The following MLLT10 variants were observed in gnomAD, a reference collection of about 807,000 sequenced individuals.
The protein encoded by MLLT10 is MLLT10 histone lysine methyltransferase DOT1L cofactor.
A neutral mutation model predicts 129.1 loss-of-function variants in MLLT10; 30 were observed. The observed-to-expected ratio is 0.23, with a 90% CI of 0.17 to 0.32. The LOEUF (loss-of-function observed/expected upper bound fraction) is 0.32. Ranked by LOEUF, MLLT10 falls within the 10% of genes least tolerant of loss-of-function variation. The probability of loss-of-function intolerance (pLI) is 1.00; values close to 1 mark genes in which losing one functional copy is unlikely to be tolerated. For missense variants in MLLT10, 1,119 were observed against 1,268.3 expected (o/e 0.88, Z 1.79); for synonymous variants, 490 against 446.4 (o/e 1.10, Z -1.23).
At chr10:21,645,468 G>A (rs904873960) in intron 8 of MLLT10, among the ~76,000 whole-genome samples, 1 of 152,066 alleles carries the variant, frequency 6.6e-6, no homozygotes, top group African/African-American at 2.4e-5. Context: ...CTAGAAATTT[G>A]TTCTATTTCA....
At chr10:21,551,172 G>A (rs1226878430) in intron 3 of MLLT10, among the ~76,000 whole-genome samples, 15 of 151,606 alleles carry the variant, frequency 9.9e-5, no homozygotes, top group Non-Finnish European at 7.4e-5. Flanking sequence ...TGATCCGCCT[G>A]CCTCGGCCTC....
At chr10:21,608,958 A>G (rs574425910) in intron 5 of MLLT10, among the ~76,000 whole-genome samples, 2 of 152,316 alleles carry the variant, frequency 1.3e-5, no homozygotes, top group East Asian at 1.9e-4. Context: ...TTTAGGTAAT[A>G]TAGCCCCTCT....
At chr10:21,626,553 C>T (rs187183769) in intron 8 of MLLT10, among the ~76,000 whole-genome samples, 5 of 152,282 alleles carry the variant, frequency 3.3e-5, no homozygotes, top group East Asian at 3.9e-4. Flanking sequence ...GTAACCCAAA[C>T]GCCTTTTAAT....
At chr10:21,605,114 A>G (rs1363654237) in intron 5 of MLLT10, among the ~76,000 whole-genome samples, 2 of 151,822 alleles carry the variant, frequency 1.3e-5, no homozygotes, top group Non-Finnish European at 2.9e-5. Flanking sequence ...AAAGAAATAT[A>G]CCTTATTTAT....
rs772463822 is a variant in MLLT10, at chr10:21,576,631, ATT to A, written c.241-9648_241-9647del. ...ACTTTTCTATCCGTGCTAATACACAATTTTTTTTTTTTTTTTGAGTTGGAGTT... is the reference window on the plus strand; with the variant it reads ...ACTTTTCTATCCGTGCTAATACACAATTTTTTTTTTTTTTGAGTTGGAGTT... On this transcript the variant is annotated intron_variant, in intron 3 of 22. Coordinates refer to ENST00000307729, the MANE Select transcript of MLLT10 (RefSeq NM_001195626.3). 3.5e-3 allele frequency among the ~76,000 whole-genome samples: 485 copies of A among 138,148 alleles called. 4 individuals carry two copies. Among genetic ancestry groups the A allele is most frequent in the African/African-American group, 0.011 (433 of 37,954 alleles). The allele number at this position is 138,148 out of a possible 152,430, so 90.6% of individuals were successfully genotyped here. A position where few individuals can be genotyped will look rare whatever the true frequency, so the allele number is the denominator to read the frequency against.
intron 3 of MLLT10, among the ~76,000 whole-genome samples, chr10:21,563,764 T>C (rs1408384051): frequency 6.6e-6 from 1 of 151,522 alleles, no homozygotes; most frequent in East Asian, 1.9e-4. Context: ...GTAATTTTGA[T>C]AGGCGGGTAG....
intron 3 of MLLT10, among the ~76,000 whole-genome samples, chr10:21,570,478 A>G (rs968948741): frequency 1.3e-5 from 2 of 152,114 alleles, no homozygotes; most frequent in African/African-American, 2.4e-5. Context: ...CATGATTTCT[A>G]AAGACTTTTT....
chr10:21,534,852 TCACCGCCGCCCCCACCTGGGCCGCAAC>T, intron 2 of MLLT10, 48 bp downstream of exon 2: 1 of 1,432,510 alleles, frequency 7.0e-7, no homozygotes, highest in Non-Finnish European at 9.2e-7. Context: ...CGCCCAACGG[TCACCGCCGCCCCCACCTGGGCCGCAAC>T]CGCCGGCGCC....
At position 21,727,914 on chromosome 10, in the gene MLLT10, AAGTCTC is replaced by A. The variant is rs770217764; in HGVS notation, c.2050_2055del (p.Leu685_Ser686del). On this transcript the variant is annotated inframe_deletion, in exon 16 of 23. Coordinates refer to ENST00000307729, the MANE Select transcript of MLLT10 (RefSeq NM_001195626.3). ...TTGGCAGAGGAAGCTCACCCCGAGG[AAGTCTC>A]TCGCCACGGTAAGCGCTATTTACAC... is the stretch of plus-strand genomic sequence containing the variant. The A allele has an allele frequency of 6.2e-7, 1 of 1,613,976 alleles. No homozygotes were observed. Among genetic ancestry groups the A allele is most frequent in the Admixed American group, 1.7e-5 (1 of 59,994 alleles).
At chr10:21,549,659 CT>C (rs11374255) in intron 3 of MLLT10, among the ~76,000 whole-genome samples, 3,433 of 121,960 alleles carry the variant, frequency 0.028, 134 homozygotes, top group African/African-American at 0.095. Flanking sequence ...GAGTTGTACT[CT>C]TTTTTTTTTT....
intron 10 of MLLT10, chr10:21,670,950 A>C: frequency 2.4e-6 from 1 of 409,982 alleles, no homozygotes; most frequent in Non-Finnish European, 4.3e-6. Context: ...TTTAATGTTT[A>C]ACTAGATATG....
chr10:21,732,627 T>C (rs923236082), intron 17 of MLLT10, among the ~76,000 whole-genome samples: 2 of 152,196 alleles, frequency 1.3e-5, no homozygotes, highest in Non-Finnish European at 2.9e-5. Flanking sequence ...GAAAATTACC[T>C]GAAGCTGGTG....
In MLLT10 at chr10:21,632,934, TTAAA is replaced by T. The variant is rs779976492; in HGVS notation, c.699+15737_699+15740del. Among the ~76,000 whole-genome samples, 4 of 152,300 alleles carry T rather than the reference TTAAA, an allele frequency of 2.6e-5. No homozygotes were observed. The East Asian group carries it at 7.7e-4, about 29-fold the overall frequency. ...ACATAACCTGATTTTAGAGATTTAT[TTAAA>T]TAAATAAATCTCTTAGGATCTATTA... On this transcript the variant is annotated intron_variant, in intron 8 of 22. Transcript: ENST00000307729.
intron 8 of MLLT10, chr10:21,624,834 C>G: frequency 9.2e-7 from 1 of 1,092,224 alleles, no homozygotes. Flanking sequence ...GCCACGGCCT[C>G]TCTGCTGTTG....
intron 13 of MLLT10, 100 bp downstream of exon 13, chr10:21,682,357 G>C: frequency 1.7e-6 from 2 of 1,154,840 alleles, no homozygotes; most frequent in African/African-American, 1.5e-5. Flanking sequence ...TTGATTAGAT[G>C]AAATCCAGTG....
At chr10:21,722,950 A>C (rs1188173306) in intron 14 of MLLT10, among the ~76,000 whole-genome samples, 4 of 152,192 alleles carry the variant, frequency 2.6e-5, no homozygotes, top group Non-Finnish European at 4.4e-5. Flanking sequence ...AAATGACTCT[A>C]TCTGGTAAAA....
At position 21,643,880 on chromosome 10, in the gene MLLT10, T is replaced by C. The variant is rs558503400; in HGVS notation, c.700-7793T>C. 3.7e-4 allele frequency among the ~76,000 whole-genome samples: 57 copies of C among 152,334 alleles called. No homozygotes were observed. In the South Asian group the frequency reaches 5.4e-3, roughly 14 times the overall value. On this transcript the variant is annotated intron_variant, in intron 8 of 22. Transcript: ENST00000307729. ...TGCTTCAGGGATACACGTTATCTTA[T>C]GTTTGATTATCTCTGTTTTTTATAC...
chr10:21,685,974 G>A (rs1245573377), intron 13 of MLLT10, among the ~76,000 whole-genome samples: 2 of 152,098 alleles, frequency 1.3e-5, no homozygotes, highest in Admixed American at 1.3e-4. Context: ...GAAAATACTA[G>A]AGCAAAACCA....
intron 3 of MLLT10, among the ~76,000 whole-genome samples, chr10:21,582,688 C>T (rs1176140340): frequency 2.6e-5 from 4 of 151,894 alleles, no homozygotes; most frequent in Non-Finnish European, 5.9e-5. Context: ...CAGATCTCAC[C>T]AGTATTTAGG....
Sources: allele counts gnomAD v4.1 joint callset (sites outside exome capture counted in the v4.1 genomes callset), GRCh38; gene constraint gnomAD v4.1.1; transcripts MANE v1.5; gene names NCBI Gene and HGNC (gene_info 2026-07-23, HGNC 2026-07-21).